Variants in DOCK1 observed in about 807,000 individuals in gnomAD.
DOCK1 encodes dedicator of cytokinesis protein 1.
Under a neutral mutation model 262.7 loss-of-function variants are expected in DOCK1, and 138 were observed. The ratio of observed to expected loss-of-function variants is 0.53; its 90% CI spans 0.46 to 0.61. The LOEUF (loss-of-function observed/expected upper bound fraction) is 0.61, where lower values mean the gene tolerates loss of function less well. Among genes scored for constraint, DOCK1 ranks in the 20% least tolerant of loss-of-function variants. The pLI is 0.00. For synonymous variants in DOCK1, 866 were observed against 867.4 expected, an observed-to-expected ratio of 1.00 and a Z score of 0.03; for missense variants, 1,908 against 2,370.7, an observed-to-expected ratio of 0.80 and a Z score of 4.05.
At chr10:127,164,493 G>T (rs893424202) in intron 27 of DOCK1, among the ~76,000 whole-genome samples, 2 of 152,002 alleles carry the variant, frequency 1.3e-5, no homozygotes, top group Non-Finnish European at 2.9e-5. Context: ...CTGCCTCCTT[G>T]TTTTTGTTGC....
chr10:127,193,180 A>C (rs1229268878), intron 27 of DOCK1, among the ~76,000 whole-genome samples: 1 of 152,188 alleles, frequency 6.6e-6, no homozygotes, highest in Non-Finnish European at 1.5e-5. Context: ...TAGGTCTCCA[A>C]CCAGTGGAAT....
chr10:127,028,780 A>C (rs888049863), intron 16 of DOCK1, among the ~76,000 whole-genome samples: 4 of 152,112 alleles, frequency 2.6e-5, no homozygotes, highest in Admixed American at 6.5e-5. Context: ...GTATGATGTG[A>C]GCGGAGGGTG....
intron 10 of DOCK1, among the ~76,000 whole-genome samples, chr10:127,005,723 A>T (rs1416447621): frequency 6.6e-6 from 1 of 152,152 alleles, no homozygotes; most frequent in Non-Finnish European, 1.5e-5. Flanking sequence ...CCTCATGTTT[A>T]TTCTGATATG....
chr10:126,987,619 TG>T lies in DOCK1; in HGVS notation c.324+3del. On this transcript the variant is annotated splice_donor_region_variant and intron_variant, in intron 5 of 51. Transcript: ENST00000623213. The stretch of plus-strand genomic sequence containing the variant: ...ACCATCTGGAGGCAGCTCTACGTGG[TG>T]AGAAAATGAGATATTCATTCAAAGC... 1 of 1,552,756 alleles carries T rather than the reference TG, an allele frequency of 6.4e-7. No homozygotes were observed. The highest frequency in any genetic ancestry group is 2.0e-5 in the Admixed American group (1 of 51,208).
intron 23 of DOCK1, among the ~76,000 whole-genome samples, chr10:127,101,645 C>T (rs191242644): frequency 6.3e-4 from 96 of 152,324 alleles, no homozygotes; most frequent in African/African-American, 2.1e-3. Flanking sequence ...TGGGAGCCCT[C>T]GCCCCGCTTG....
chr10:126,925,140 G>A (rs759034290), intron 1 of DOCK1, among the ~76,000 whole-genome samples: 2 of 152,238 alleles, frequency 1.3e-5, no homozygotes, highest in Non-Finnish European at 1.5e-5. Flanking sequence ...AAACTGAACG[G>A]TGGTGTTGAG....
Position 127,330,941 on chromosome 10 carries a change from G to C in DOCK1, c.3045-8065G>C, listed in dbSNP as rs547078431. On this transcript the variant is annotated intron_variant, in intron 29 of 51. Transcript: ENST00000623213. ...CTCTGATGTCAAAAGTTCAAACAGA[G>C]GCCACGAAAACCCTCACTGCACATC... Among the ~76,000 whole-genome samples the C allele has an allele frequency of 2.6e-5, 4 of 152,138 alleles. No homozygotes were observed. The East Asian group carries it at 7.7e-4, about 29-fold the overall frequency.
chr10:127,346,108 G>A (rs1194820491), intron 31 of DOCK1, among the ~76,000 whole-genome samples: 6 of 152,198 alleles, frequency 3.9e-5, no homozygotes, highest in Non-Finnish European at 7.3e-5. Flanking sequence ...GCTGGGACCC[G>A]AGCCCAGCCA....
At chr10:127,221,837 A>G (rs1473771079) in intron 27 of DOCK1, among the ~76,000 whole-genome samples, 1 of 152,136 alleles carries the variant, frequency 6.6e-6, no homozygotes, top group Non-Finnish European at 1.5e-5. Flanking sequence ...TTCTTCATTT[A>G]TTTCCTTAAT....
intron 44 of DOCK1, among the ~76,000 whole-genome samples, chr10:127,417,367 G>A (rs2068221951): frequency 6.6e-6 from 1 of 152,170 alleles, no homozygotes; most frequent in Non-Finnish European, 1.5e-5. Flanking sequence ...GCTGGGACTC[G>A]GCCAGGCCAG....
chr10:127,154,830 A>ATGTATAAACATCAAC (rs2052880844), intron 27 of DOCK1, among the ~76,000 whole-genome samples: 2 of 152,162 alleles, frequency 1.3e-5, no homozygotes, highest in Non-Finnish European at 2.9e-5. Flanking sequence ...GTATAAACAT[A>ATGTATAAACATCAAC]AAGGGTTGAT....
At chr10:126,946,550 AAG>A (rs1183147385) in intron 1 of DOCK1, among the ~76,000 whole-genome samples, 2 of 152,290 alleles carry the variant, frequency 1.3e-5, no homozygotes, top group South Asian at 4.1e-4. Flanking sequence ...CATCTAAAAA[AAG>A]AAAAAGCTAA....
At chr10:127,038,022 T>G (rs2043765888) in intron 19 of DOCK1, among the ~76,000 whole-genome samples, 1 of 151,588 alleles carries the variant, frequency 6.6e-6, no homozygotes, top group Non-Finnish European at 1.5e-5. Context: ...TCACCTGAGG[T>G]CAGGAGTTCA....
intron 29 of DOCK1, among the ~76,000 whole-genome samples, chr10:127,317,596 CCCA>C (rs2062340060): frequency 6.6e-6 from 1 of 152,166 alleles, no homozygotes; most frequent in Non-Finnish European, 1.5e-5. Context: ...TGCACATTCA[CCCA>C]TTGATAATAC....
At chr10:127,435,486 A>G (rs1368012695) in intron 48 of DOCK1, among the ~76,000 whole-genome samples, 1 of 152,328 alleles carries the variant, frequency 6.6e-6, no homozygotes, top group Admixed American at 6.5e-5. Flanking sequence ...TATAAGGCCA[A>G]GTCCATATGG....
chr10:127,042,977 A>G, intron 20 of DOCK1, 87 bp from the exon 21 acceptor site: 1 of 1,079,698 alleles, frequency 9.3e-7, no homozygotes, highest in Non-Finnish European at 1.4e-6. Flanking sequence ...TTCATATCCT[A>G]ACACAGGGGT....
At chr10:127,261,296 GGT>G (rs535927864) in intron 29 of DOCK1, among the ~76,000 whole-genome samples, 3,841 of 61,504 alleles carry the variant, frequency 0.062, 267 homozygotes, top group East Asian at 0.096. Flanking sequence ...TGTGCATGTG[GGT>G]GTGTGTGTGT....
chr10:127,254,256 T>G (rs545425359), intron 28 of DOCK1, among the ~76,000 whole-genome samples: 2 of 152,364 alleles, frequency 1.3e-5, no homozygotes, highest in Admixed American at 1.3e-4. Flanking sequence ...TTTCTTTTCA[T>G]AGCATTGCTT....
At chr10:127,190,256 C>A (rs937632306) in intron 27 of DOCK1, among the ~76,000 whole-genome samples, 4 of 152,122 alleles carry the variant, frequency 2.6e-5, no homozygotes, top group Non-Finnish European at 5.9e-5. Context: ...GTGCTTTTTT[C>A]TTTTCTAAAC....
Sources: allele counts gnomAD v4.1 joint callset (sites outside exome capture counted in the v4.1 genomes callset), GRCh38; gene constraint gnomAD v4.1.1; transcripts MANE v1.5; gene names NCBI Gene and HGNC (gene_info 2026-07-23, HGNC 2026-07-21).